The following SORCS1 variants were observed in gnomAD, a reference collection of about 807,000 sequenced individuals.
The protein encoded by SORCS1 is sortilin related VPS10 domain containing receptor 1.
SORCS1 carries 60 observed loss-of-function variants against 146.1 expected under a neutral mutation model. The ratio of observed to expected loss-of-function variants is 0.41; its 90% CI spans 0.33 to 0.51. The LOEUF (loss-of-function observed/expected upper bound fraction) is 0.51, where lower values mean the gene tolerates loss of function less well. Ranked by LOEUF, SORCS1 falls within the 20% of genes least tolerant of loss-of-function variation. The pLI, the probability that SORCS1 is intolerant of heterozygous loss-of-function variation, is 0.21. For missense variants in SORCS1, 1,352 were observed against 1,487.6 expected, an observed-to-expected ratio of 0.91 and a Z score of 1.50; for synonymous variants, 637 against 584.0, an observed-to-expected ratio of 1.09 and a Z score of -1.31.
chr10:106,761,839 A>G (rs1859134470), intron 4 of SORCS1, among the ~76,000 whole-genome samples, 178 bp from the exon 5 acceptor site: 3 of 152,256 alleles, frequency 2.0e-5, no homozygotes, highest in Admixed American at 2.0e-4. Flanking sequence ...TCTGCAAGTC[A>G]GACTAATATC....
chr10:107,079,746 T>C (rs1307853026), intron 1 of SORCS1, among the ~76,000 whole-genome samples: 8 of 151,962 alleles, frequency 5.3e-5, no homozygotes, highest in Admixed American at 5.2e-4. Flanking sequence ...CCCTAGAAAA[T>C]TGACAGCTCT....
intron 2 of SORCS1, among the ~76,000 whole-genome samples, chr10:106,891,457 T>C (rs938472028): frequency 6.7e-6 from 1 of 149,508 alleles, no homozygotes; most frequent in Non-Finnish European, 1.5e-5. Flanking sequence ...CCTGTTCTCT[T>C]GACCTATGTC....
At chr10:106,790,616 T>C (rs1365895433) in intron 3 of SORCS1, among the ~76,000 whole-genome samples, 1 of 152,192 alleles carries the variant, frequency 6.6e-6, no homozygotes, top group East Asian at 1.9e-4. Flanking sequence ...GGAACTCAGA[T>C]AAAACAAATG....
chr10:106,896,204 G>A (rs1014868476), intron 2 of SORCS1, among the ~76,000 whole-genome samples: 1 of 152,026 alleles, frequency 6.6e-6, no homozygotes, highest in African/African-American at 2.4e-5. Flanking sequence ...CAAGGCGGGT[G>A]GATCACCTGA....
chr10:106,684,615 T>C (rs1852688039), intron 10 of SORCS1, among the ~76,000 whole-genome samples: 1 of 152,146 alleles, frequency 6.6e-6, no homozygotes. Context: ...ATAGCCCAAA[T>C]TACCCTAGAT....
rs550054951 is a variant in SORCS1 at position 106,666,119 on chromosome 10, C to T, written c.2303+1570G>A. Among the ~76,000 whole-genome samples the T allele has an allele frequency of 2.9e-4, 44 of 152,302 alleles. No homozygotes were observed. The South Asian group carries it at 7.7e-3, about 27-fold the overall frequency. Reference sequence around the variant, plus strand: ...CCTCCCGAAATGCTGAGATTACAGGCGTGAGCCACTGCACCCGGCCACTTC... The same window carrying T: ...CCTCCCGAAATGCTGAGATTACAGGTGTGAGCCACTGCACCCGGCCACTTC... On this transcript the variant is annotated intron_variant, in intron 17 of 25. Coordinates refer to ENST00000263054, the MANE Select transcript of SORCS1 (RefSeq NM_052918.5).
At chr10:107,158,801 A>G (rs960508007) in intron 1 of SORCS1, among the ~76,000 whole-genome samples, 1 of 152,192 alleles carries the variant, frequency 6.6e-6, no homozygotes, top group Non-Finnish European at 1.5e-5. Context: ...GCACATAGCA[A>G]TTACTCCTAA....
chr10:107,169,058 T>G (rs959978361), upstream of SORCS1, among the ~76,000 whole-genome samples: 6 of 152,312 alleles, frequency 3.9e-5, no homozygotes, highest in African/African-American at 1.4e-4. Flanking sequence ...TTATAACCAC[T>G]CCCCACATAA....
intron 1 of SORCS1, among the ~76,000 whole-genome samples, chr10:107,126,086 T>G (rs1054804437): frequency 1.3e-5 from 2 of 152,246 alleles, no homozygotes; most frequent in Admixed American, 6.5e-5. Flanking sequence ...ACCTCCTGTT[T>G]GACCTTGGCC....
chr10:106,704,733 T>C (rs921719652), intron 8 of SORCS1, among the ~76,000 whole-genome samples: 1 of 152,046 alleles, frequency 6.6e-6, no homozygotes, highest in Non-Finnish European at 1.5e-5. Flanking sequence ...CAAAAAACAG[T>C]TTATTCCCAA....
chr10:107,008,624 A>T (rs1431871852), intron 1 of SORCS1, among the ~76,000 whole-genome samples: 1 of 152,222 alleles, frequency 6.6e-6, no homozygotes, highest in Non-Finnish European at 1.5e-5. Flanking sequence ...TGGAGCTAAG[A>T]AAGTACATTC....
chr10:106,930,730 T>G (rs2138584738), intron 2 of SORCS1, among the ~76,000 whole-genome samples: 1 of 152,278 alleles, frequency 6.6e-6, no homozygotes, highest in African/African-American at 2.4e-5. Context: ...GAGTCAGAAC[T>G]TTTTCTTTTT....
chr10:106,968,437 C>T (rs531445464), intron 1 of SORCS1, among the ~76,000 whole-genome samples: 34 of 152,200 alleles, frequency 2.2e-4, no homozygotes, highest in Admixed American at 2.0e-4. Flanking sequence ...ACAAAGTGAA[C>T]ACACTATTAA....
chr10:106,650,733 A>G (rs1274562803), intron 18 of SORCS1, among the ~76,000 whole-genome samples: 2 of 152,156 alleles, frequency 1.3e-5, no homozygotes, highest in Non-Finnish European at 2.9e-5. Context: ...ATAAATTGCT[A>G]AAGTTCTCGA....
intron 2 of SORCS1, among the ~76,000 whole-genome samples, chr10:106,850,199 G>C (rs1343994418): frequency 2.0e-5 from 3 of 151,956 alleles, no homozygotes. Flanking sequence ...CTGCCGCCTT[G>C]CAGTTTGATC....
chr10:106,855,328 T>C lies in SORCS1; in HGVS notation c.627-25655A>G, dbSNP rs188517338. Among the ~76,000 whole-genome samples, 221 of 152,314 alleles carry C rather than the reference T, an allele frequency of 1.5e-3. 3 individuals carry two copies. The highest frequency in any genetic ancestry group is 2.6e-3 in the African/African-American group (106 of 41,568). On this transcript the variant is annotated intron_variant, in intron 2 of 25. Coordinates refer to ENST00000263054, the MANE Select transcript of SORCS1 (RefSeq NM_052918.5). The stretch of plus-strand genomic sequence containing the variant: ...TCTTTGATTATCTGAATTTTGAATA[T>C]GATATACCTATGTGGGGTTATGATG...
chr10:107,002,760 A>G (rs1265169755), intron 1 of SORCS1, among the ~76,000 whole-genome samples: 3 of 152,124 alleles, frequency 2.0e-5, no homozygotes, highest in Non-Finnish European at 2.9e-5. Flanking sequence ...TTCATAATGG[A>G]ACAAGTCTGA....
At chr10:106,952,842 G>A (rs1028689110) in intron 2 of SORCS1, among the ~76,000 whole-genome samples, 8 of 151,232 alleles carry the variant, frequency 5.3e-5, no homozygotes, top group Non-Finnish European at 1.2e-4. Context: ...AATTAGCCTA[G>A]GGTAGTCGCA....
chr10:107,059,901 T>C (rs756401124), intron 1 of SORCS1, among the ~76,000 whole-genome samples: 3 of 151,834 alleles, frequency 2.0e-5, no homozygotes, highest in Non-Finnish European at 4.4e-5. Context: ...CCCTCAGTAA[T>C]CTACTCACAG....
Sources: gnomAD v4.1 joint callset for allele counts (sites outside exome capture counted in the v4.1 genomes callset) on GRCh38, gnomAD v4.1.1 for gene constraint, MANE v1.5 for transcripts, NCBI Gene and HGNC (gene_info 2026-07-23, HGNC 2026-07-21) for gene names.